Variants in RBFOX1 observed in about 807,000 individuals in gnomAD.
The protein encoded by RBFOX1 is RNA binding fox-1 homolog 1, also known as RNA binding protein fox-1 homolog 1.
A neutral mutation model predicts 57.7 loss-of-function variants in RBFOX1; 8 were observed. That is an observed-to-expected ratio of 0.14 (90% CI 0.08 to 0.25). The LOEUF is 0.25. RBFOX1 is among the 10% of genes least tolerant of loss of function. The pLI is 1.00. For synonymous variants in RBFOX1, 326 were observed against 222.4 expected, an observed-to-expected ratio of 1.47 and a Z score of -4.15; for missense variants, 611 against 548.5, an observed-to-expected ratio of 1.11 and a Z score of -1.14.
chr16:6,547,955 A>T (rs1249773788), intron 2 of RBFOX1, among the ~76,000 whole-genome samples: 2 of 152,238 alleles, frequency 1.3e-5, no homozygotes, highest in East Asian at 3.8e-4. Context: ...TGGGAAACGT[A>T]GAGAAGACCT....
chr16:6,921,715 C>A (rs2074495553), intron 3 of RBFOX1, among the ~76,000 whole-genome samples: 1 of 150,634 alleles, frequency 6.6e-6, no homozygotes. Context: ...GAAAGTTATA[C>A]CGTGATAATG....
At chr16:6,584,609 TC>T (rs976530409) in intron 2 of RBFOX1, among the ~76,000 whole-genome samples, 84 of 152,106 alleles carry the variant, frequency 5.5e-4, no homozygotes, top group African/African-American at 2.0e-3. Flanking sequence ...CCTCAAATGA[TC>T]CACCTGCCTT....
chr16:5,356,413 G>C (rs568360520), intron 1 of RBFOX1, among the ~76,000 whole-genome samples: 1 of 152,182 alleles, frequency 6.6e-6, no homozygotes, highest in Non-Finnish European at 1.5e-5. Context: ...CTTTCTTCGT[G>C]ACTCAATAAT....
At chr16:5,454,876 TTCTTTCTTTCTTTC>T (rs1193918536) in intron 1 of RBFOX1, among the ~76,000 whole-genome samples, 1 of 120,236 alleles carries the variant, frequency 8.3e-6, no homozygotes, top group Non-Finnish European at 1.8e-5. Flanking sequence ...CTTTCTTTCT[TTCTTTCTTTCTTTC>T]TTTCTTTCTT....
intron 3 of RBFOX1, among the ~76,000 whole-genome samples, chr16:6,709,115 A>T (rs1197028474): frequency 6.6e-6 from 1 of 152,182 alleles, no homozygotes; most frequent in Non-Finnish European, 1.5e-5. Context: ...TATGTCATAT[A>T]AATGTAACAG....
chr16:5,708,445 C>G (rs1306026528), intron 3 of RBFOX1, among the ~76,000 whole-genome samples: 1 of 152,148 alleles, frequency 6.6e-6, no homozygotes, highest in African/African-American at 2.4e-5. Flanking sequence ...ATAATCTGTA[C>G]AAACATTTAA....
At chr16:6,765,680 C>G (rs562997448) in intron 3 of RBFOX1, among the ~76,000 whole-genome samples, 2 of 152,232 alleles carry the variant, frequency 1.3e-5, no homozygotes, top group Admixed American at 6.5e-5. Flanking sequence ...AAGATGCCTG[C>G]TTGCATATAT....
intron 3 of RBFOX1, among the ~76,000 whole-genome samples, chr16:5,715,360 C>T (rs1334004957): frequency 2.6e-5 from 4 of 152,150 alleles, no homozygotes; most frequent in African/African-American, 9.7e-5. Context: ...CACCTCTGTC[C>T]CTACCATATA....
intron 4 of RBFOX1, among the ~76,000 whole-genome samples, chr16:5,992,660 G>C (rs1205893847): frequency 6.6e-6 from 1 of 152,190 alleles, no homozygotes; most frequent in African/African-American, 2.4e-5. Flanking sequence ...GTGGTCAGGC[G>C]TGGTGGCTCA....
At chr16:7,316,091 A>C (rs567697539) in intron 4 of RBFOX1, among the ~76,000 whole-genome samples, 1 of 152,368 alleles carries the variant, frequency 6.6e-6, no homozygotes, top group African/African-American at 2.4e-5. Flanking sequence ...TTTCCAAAAA[A>C]ATAAAATCAC....
intron 3 of RBFOX1, among the ~76,000 whole-genome samples, chr16:6,774,217 T>G (rs766153052): frequency 6.6e-6 from 1 of 152,164 alleles, no homozygotes; most frequent in African/African-American, 2.4e-5. Context: ...TTTCTCTGTC[T>G]GTTTGGTTTT....
chr16:7,255,680 T>C (rs1275700329), intron 4 of RBFOX1, among the ~76,000 whole-genome samples: 1 of 152,200 alleles, frequency 6.6e-6, no homozygotes, highest in Non-Finnish European at 1.5e-5. Context: ...ATTTTTTTAG[T>C]GGTTGAATTA....
chr16:6,870,180 C>G (rs569805210), intron 3 of RBFOX1, among the ~76,000 whole-genome samples: 1 of 152,186 alleles, frequency 6.6e-6, no homozygotes, highest in South Asian at 2.1e-4. Flanking sequence ...TAGGGTTTGG[C>G]CCGAAAACCT....
At chr16:6,355,046 C>T (rs764342127) in intron 2 of RBFOX1, among the ~76,000 whole-genome samples, 1 of 152,190 alleles carries the variant, frequency 6.6e-6, no homozygotes, top group Non-Finnish European at 1.5e-5. Context: ...TAGCAAAGAA[C>T]ACACTTAGCA....
intron 3 of RBFOX1, among the ~76,000 whole-genome samples, chr16:6,982,158 A>G (rs1437204917): frequency 1.3e-5 from 2 of 152,170 alleles, no homozygotes; most frequent in East Asian, 1.9e-4. Flanking sequence ...TGTTTATGGT[A>G]TTGGATTGTG....
chr16:7,089,835 T>A (rs1599170224), intron 4 of RBFOX1, among the ~76,000 whole-genome samples: 1 of 152,232 alleles, frequency 6.6e-6, no homozygotes, highest in South Asian at 2.1e-4. Context: ...TTTATCACAT[T>A]GAAAAATGGG....
intron 3 of RBFOX1, among the ~76,000 whole-genome samples, chr16:5,672,841 A>G (rs907058940): frequency 1.4e-5 from 2 of 143,884 alleles, no homozygotes; most frequent in Admixed American, 7.3e-5. Context: ...ATGATCAGAA[A>G]TCCTTCACCG....
At position 7,032,896 on chromosome 16, in the gene RBFOX1, A is replaced by G. The variant is rs150168648; in HGVS notation, c.-15-19161A>G. ...TTCTCAAATTTCTGCAGCTGAGAGCATGTCTCTCTTTTGGGAAGGAGGCTT... is the reference window on the plus strand; with the variant it reads ...TTCTCAAATTTCTGCAGCTGAGAGCGTGTCTCTCTTTTGGGAAGGAGGCTT... On this transcript the variant is annotated intron_variant, in intron 3 of 15. Transcript: ENST00000550418. 8.3e-3 allele frequency among the ~76,000 whole-genome samples: 1,269 copies of G among 152,214 alleles called. 16 individuals are homozygous for G. The highest frequency in any genetic ancestry group is 0.029 in the African/African-American group (1,187 of 41,524).
At chr16:6,700,258 A>T (rs575113833) in intron 3 of RBFOX1, among the ~76,000 whole-genome samples, 3 of 152,296 alleles carry the variant, frequency 2.0e-5, no homozygotes, top group Non-Finnish European at 4.4e-5. Context: ...GCTTCCTCTC[A>T]ATAGCTGAAC....
Sources: allele counts gnomAD v4.1 joint callset (sites outside exome capture counted in the v4.1 genomes callset), GRCh38; gene constraint gnomAD v4.1.1; transcripts MANE v1.5; gene names NCBI Gene and HGNC (gene_info 2026-07-23, HGNC 2026-07-21).